The following HNRNPR variants were observed in gnomAD, a reference collection of about 807,000 sequenced individuals.
HNRNPR encodes the protein heterogeneous nuclear ribonucleoprotein R.
A neutral mutation model predicts 70.3 loss-of-function variants in HNRNPR; 4 were observed. The ratio of observed to expected loss-of-function variants is 0.06; its 90% CI spans 0.03 to 0.13. HNRNPR has a LOEUF of 0.13. HNRNPR is among the 10% of genes least tolerant of loss of function. The pLI, the probability that HNRNPR is intolerant of heterozygous loss-of-function variation, is 1.00. For missense variants in HNRNPR, 423 were observed against 788.5 expected (o/e 0.54, Z 5.55); for synonymous variants, 241 against 267.6 (o/e 0.90, Z 0.97).
At chr1:23,328,363 AAG>A (rs1328083567) in intron 5 of HNRNPR, among the ~76,000 whole-genome samples, 1 of 152,226 alleles carries the variant, frequency 6.6e-6, no homozygotes, top group African/African-American at 2.4e-5. Flanking sequence ...CAATCTGGGA[AAG>A]AGATGAAAAG....
In HNRNPR at chr1:23,305,357, G is replaced by C. The variant is rs1257906417; in HGVS notation, c.*5097C>G. ...CCTGCAATCACTACAATTCTTAAAA[G>C]TATTACATAATTTCATTCTAGTGTT... On this transcript the variant is annotated 3_prime_UTR_variant, in exon 11 of 11. Transcript: ENST00000302271. 1 of 152,072 alleles carries C rather than the reference G, an allele frequency of 6.6e-6. No homozygotes were observed. Among genetic ancestry groups the C allele is most frequent in the Non-Finnish European group, 1.5e-5 (1 of 67,996 alleles). The allele number at this position is 152,072 out of a possible 1,614,324, so 9.4% of individuals were successfully genotyped here.
chr1:23,310,766 T>C lies in HNRNPR; in HGVS notation c.1590A>G (p.Ser530=). The change falls in exon 11 of 11, where the codon TCA becomes TCG. Residue 530 remains serine (S), a synonymous_variant. Coordinates refer to ENST00000302271, the MANE Select transcript of HNRNPR (RefSeq NM_005826.5). The surrounding 1 kb of genome is among the most constrained non-coding windows in gnomAD (Gnocchi z 6.0). ...GTGGTCCCAAAGGTGCCCCCCTCTG[T>C]GAATAGCCAGCTCTACCTCTTGGAG... ...APPPRGRAGY[S]QRGAPLGPPR... is the part of the protein sequence containing the mutation. 1 of 1,613,894 alleles carries C rather than the reference T, an allele frequency of 6.2e-7. No homozygotes were observed. The highest frequency in any genetic ancestry group is 8.5e-7 in the Non-Finnish European group (1 of 1,179,912).
chr1:23,332,605 C>A (rs1241124945), intron 5 of HNRNPR, among the ~76,000 whole-genome samples: 1 of 148,254 alleles, frequency 6.7e-6, no homozygotes, highest in Non-Finnish European at 1.5e-5. Context: ...GAGGCTGAGG[C>A]AGGAGAATCG....
Position 23,343,374 on chromosome 1 carries a change from T to G in HNRNPR, c.-10+837A>C, listed in dbSNP as rs1646776903. ...ATCTCATGGCTTAGGAGTGTCGAGC[T>G]CTCATCCTACGACTGACTCATGAGA... is the stretch of plus-strand genomic sequence containing the variant. On this transcript the variant is annotated intron_variant, in intron 1 of 10. Transcript: ENST00000302271. 2.0e-5 allele frequency among the ~76,000 whole-genome samples: 3 copies of G among 152,278 alleles called. No homozygotes were observed. In the South Asian group the frequency reaches 6.2e-4, roughly 32 times the overall value.
intron 2 of HNRNPR, among the ~76,000 whole-genome samples, chr1:23,339,399 CAG>C (rs948961415): frequency 6.6e-6 from 1 of 152,146 alleles, no homozygotes; most frequent in African/African-American, 2.4e-5. Context: ...GTAAACTTGA[CAG>C]AAAATATATA....
intron 5 of HNRNPR, among the ~76,000 whole-genome samples, chr1:23,328,234 CAG>C (rs1305730939): frequency 6.6e-6 from 1 of 152,052 alleles, no homozygotes; most frequent in Non-Finnish European, 1.5e-5. Context: ...GGGAAGCCAT[CAG>C]AGAGTTTAGA....
In HNRNPR at chr1:23,307,652, T is replaced by C. The variant is rs1414083099; in HGVS notation, c.*2802A>G. 1 of 152,092 alleles carries C rather than the reference T, an allele frequency of 6.6e-6. No individual in the cohort carries two copies. Among genetic ancestry groups the C allele is most frequent in the Non-Finnish European group, 1.5e-5 (1 of 67,964 alleles). 9.4% of individuals were successfully genotyped at this position (152,092 alleles called of 1,614,324 possible). A position where few individuals can be genotyped will look rare whatever the true frequency, so the allele number is the denominator to read the frequency against. ...TCTTAAAAATTAAAATACCTTCATA[T>C]AAATACATACATTTAAGCAACTGCT... On this transcript the variant is annotated 3_prime_UTR_variant, in exon 11 of 11. Coordinates refer to ENST00000302271, the MANE Select transcript of HNRNPR (RefSeq NM_005826.5).
chr1:23,318,358 T>C lies in HNRNPR; in HGVS notation c.1017+125A>G, dbSNP rs771680857. 1.3e-6 allele frequency: 1 copy of C among 782,100 alleles called. No individual in the cohort carries two copies. Among genetic ancestry groups the C allele is most frequent in the Non-Finnish European group, 2.0e-6 (1 of 487,986 alleles). The allele number at this position is 782,100 out of a possible 1,614,324, so 48.4% of individuals were successfully genotyped here. A position where few individuals can be genotyped will look rare whatever the true frequency, so the allele number is the denominator to read the frequency against. On this transcript the variant is annotated intron_variant, in intron 8 of 10. Coordinates refer to ENST00000302271, the MANE Select transcript of HNRNPR (RefSeq NM_005826.5). This position sits in a 1 kb window ranked among gnomAD's most constrained non-coding sequence, Gnocchi z 4.2. ...TTAACTTTAGTGTTAAAGCCGCTCC[T>C]TGCCAAACAGTTGAAGTCTAAAGCT... is the stretch of plus-strand genomic sequence containing the variant.
chr1:23,333,851 G>A (rs1401240753), intron 4 of HNRNPR, among the ~76,000 whole-genome samples: 1 of 151,994 alleles, frequency 6.6e-6, no homozygotes, highest in Admixed American at 6.6e-5. Flanking sequence ...ATTAGCACAA[G>A]TCTTACCTCC....
chr1:23,315,932 T>C (rs898829250), intron 8 of HNRNPR, among the ~76,000 whole-genome samples: 1 of 152,218 alleles, frequency 6.6e-6, no homozygotes, highest in Non-Finnish European at 1.5e-5. Context: ...AACATGGACT[T>C]TTCTATGATG....
At chr1:23,342,094 G>C (rs909951613) in intron 1 of HNRNPR, among the ~76,000 whole-genome samples, 4 of 152,148 alleles carry the variant, frequency 2.6e-5, no homozygotes, top group African/African-American at 7.2e-5. Flanking sequence ...TGGATCTCAA[G>C]AAAAAGCCTA....
intron 2 of HNRNPR, among the ~76,000 whole-genome samples, chr1:23,339,390 T>C (rs1323315011): frequency 5.3e-5 from 8 of 152,226 alleles, no homozygotes; most frequent in Admixed American, 4.6e-4. Context: ...GTCTTACAAG[T>C]AAACTTGACA....
Position 23,323,631 on chromosome 1 carries a change from T to C in HNRNPR, c.600A>G (p.Pro200=). 2 of 1,614,110 alleles carry C rather than the reference T, an allele frequency of 1.2e-6. No homozygotes were observed. Among genetic ancestry groups the C allele is most frequent in the East Asian group, 2.2e-5 (1 of 44,884 alleles). Residue 200 remains proline (P), a synonymous_variant, in exon 6 of 11, where the codon CCA becomes CCG. Transcript: ENST00000302271. ...CATACCCTCTATTCTGACCGGACAG[T>C]GGATCCATCATAAGACGTAGATCCC... ...PIWDLRLMMD[P]LSGQNRGYAF...
At chr1:23,336,164 C>T (rs574379755) in intron 4 of HNRNPR, among the ~76,000 whole-genome samples, 1 of 148,652 alleles carries the variant, frequency 6.7e-6, no homozygotes, top group African/African-American at 2.5e-5. Context: ...GTGGCTCACA[C>T]CTGTAATCCC....
In HNRNPR at chr1:23,308,645, A is replaced by AT. The variant is rs1255075496; in HGVS notation, c.*1808dup. On this transcript the variant is annotated 3_prime_UTR_variant, in exon 11 of 11. Transcript: ENST00000302271. The stretch of plus-strand genomic sequence containing the variant: ...CTTTATCAGTTTCCAAAAAACTAAA[A>AT]TATCAATAAGGTCTGTTAAATGACT... 6.6e-6 allele frequency: 1 copy of AT among 152,132 alleles called. No homozygotes were observed. Among genetic ancestry groups the AT allele is most frequent in the Non-Finnish European group, 1.5e-5 (1 of 67,938 alleles). 9.4% of individuals were successfully genotyped at this position (152,132 alleles called of 1,614,324 possible). A position where few individuals can be genotyped will look rare whatever the true frequency, so the allele number is the denominator to read the frequency against.
At chr1:23,340,775 C>T (rs1159027200) in intron 2 of HNRNPR, 77 bp downstream of exon 2, 1 of 1,182,144 alleles carries the variant, frequency 8.5e-7, no homozygotes, top group Non-Finnish European at 1.2e-6. Context: ...TATTATTTAA[C>T]CTTAAAAAAC....
chr1:23,340,454 T>A (rs1388805735), intron 2 of HNRNPR, among the ~76,000 whole-genome samples: 1 of 152,208 alleles, frequency 6.6e-6, no homozygotes, highest in African/African-American at 2.4e-5. Flanking sequence ...GCTATCCTCT[T>A]GTTATGCCAC....
intron 5 of HNRNPR, among the ~76,000 whole-genome samples, chr1:23,327,882 G>C (rs1557886161): frequency 6.6e-6 from 1 of 151,320 alleles, no homozygotes; most frequent in Non-Finnish European, 1.5e-5. Flanking sequence ...GAAGGTGAGG[G>C]GGCAGTGTCT....
chr1:23,336,270 C>CA (rs923225126), intron 4 of HNRNPR, among the ~76,000 whole-genome samples: 1 of 146,954 alleles, frequency 6.8e-6, no homozygotes, highest in South Asian at 2.2e-4. Flanking sequence ...TACCAAAAAA[C>CA]AAAAAAAATT....
Sources: allele counts gnomAD v4.1 joint callset (sites outside exome capture counted in the v4.1 genomes callset), GRCh38; gene constraint gnomAD v4.1.1; non-coding constraint Gnocchi (gnomAD v3.1); transcripts MANE v1.5; gene names NCBI Gene and HGNC (gene_info 2026-07-23, HGNC 2026-07-21).